MAP4: variants seen among roughly 807,000 people sequenced by gnomAD.
The protein encoded by MAP4 is microtubule-associated protein 4.
A neutral mutation model predicts 170.2 loss-of-function variants in MAP4; 76 were observed. That is an observed-to-expected ratio of 0.45 (90% confidence interval 0.37 to 0.54). The LOEUF (loss-of-function observed/expected upper bound fraction) is 0.54, where lower values mean the gene tolerates loss of function less well. Ranked by LOEUF, MAP4 falls within the 20% of genes least tolerant of loss-of-function variation. The pLI is 0.00. For synonymous variants in MAP4, 909 were observed against 994.5 expected, an observed-to-expected ratio of 0.91 and a Z score of 1.62; for missense variants, 2,506 against 2,748.0, an observed-to-expected ratio of 0.91 and a Z score of 1.97.
At chr3:47,976,200 T>C (rs928964240) in intron 3 of MAP4, among the ~76,000 whole-genome samples, 1 of 152,192 alleles carries the variant, frequency 6.6e-6, no homozygotes, top group Admixed American at 6.5e-5. Context: ...CGACCTACTC[T>C]CATAATGCCA....
At position 48,074,679 on chromosome 3, in the gene MAP4, TGTGTGTG is replaced by T. The variant is rs2100142873; in HGVS notation, c.-20+14087_-20+14093del. Among the ~76,000 whole-genome samples the T allele has an allele frequency of 1.1e-3, 141 of 125,430 alleles. 2 individuals carry two copies. The highest frequency in any genetic ancestry group is 3.2e-3 in the African/African-American group (113 of 35,228). 82.3% of individuals were successfully genotyped at this position (125,430 alleles called of 152,430 possible). On this transcript the variant is annotated intron_variant, in intron 1 of 18. Coordinates refer to the MAP4 transcript ENST00000360240. ...GCAAGCCACCACATCCAGCTAATTG[TGTGTGTG>T]TGTGTGTGTGTGTGTGTGTGTGTGT...
In MAP4 at chr3:47,903,398, T is replaced by C. The variant is rs2100031204; in HGVS notation, c.5384-398A>G. 2.0e-5 allele frequency among the ~76,000 whole-genome samples: 3 copies of C among 152,014 alleles called. No homozygotes were observed. The South Asian group carries it at 6.2e-4, about 32-fold the overall frequency. ...AATACAAAAAATTAGCCAGGCATAG[T>C]GGTGGGCGCCTGTAGTCCCAGCTAC... is the stretch of plus-strand genomic sequence containing the variant. On this transcript the variant is annotated intron_variant, in intron 9 of 20. Coordinates refer to ENST00000683076, the MANE Select transcript of MAP4 (RefSeq NM_001385682.1).
chr3:47,897,722 A>C (rs1200456997), intron 10 of MAP4, among the ~76,000 whole-genome samples: 2 of 151,936 alleles, frequency 1.3e-5, no homozygotes, highest in African/African-American at 4.8e-5. Context: ...GCGGATCACA[A>C]GGTCAGGAGT....
At chr3:48,040,932 C>G (rs952834049) in intron 1 of MAP4, among the ~76,000 whole-genome samples, 3 of 152,118 alleles carry the variant, frequency 2.0e-5, no homozygotes, top group African/African-American at 7.2e-5. Flanking sequence ...AACCCCTGAC[C>G]TCAGGTATCT....
chr3:47,933,111 T>A (rs1223147008), intron 3 of MAP4, among the ~76,000 whole-genome samples: 2 of 152,030 alleles, frequency 1.3e-5, no homozygotes, highest in Non-Finnish European at 2.9e-5. Flanking sequence ...AAAAGCATTA[T>A]GCTAAGTGAG....
intron 3 of MAP4, chr3:47,975,125 G>T: frequency 9.1e-7 from 1 of 1,094,772 alleles, no homozygotes; most frequent in Non-Finnish European, 1.1e-6. Context: ...ATGTGAGAAT[G>T]AATCAAATGA....
At chr3:47,856,849 C>T (rs2057388799) in intron 18 of MAP4, among the ~76,000 whole-genome samples, 1 of 152,202 alleles carries the variant, frequency 6.6e-6, no homozygotes, top group African/African-American at 2.4e-5. Context: ...TGCTGTAGAC[C>T]CAGGAACTAG....
At chr3:48,060,717 C>T (rs989685561) in intron 1 of MAP4, among the ~76,000 whole-genome samples, 2 of 151,114 alleles carry the variant, frequency 1.3e-5, no homozygotes, top group Non-Finnish European at 2.9e-5. Flanking sequence ...AGTTCAAGAC[C>T]AGCCTGGGCA....
rs1376787420 is a variant in MAP4, at chr3:47,850,731, A to C, written c.*2203T>G. The C allele has an allele frequency of 6.5e-6, 1 of 153,902 alleles. No homozygotes were observed. Among genetic ancestry groups the C allele is most frequent in the African/African-American group, 2.4e-5 (1 of 41,454 alleles). The allele number at this position is 153,902 out of a possible 1,614,324, so 9.5% of individuals were successfully genotyped here. On this transcript the variant is annotated 3_prime_UTR_variant, in exon 21 of 21. Coordinates refer to ENST00000683076, the MANE Select transcript of MAP4 (RefSeq NM_001385682.1). Reference sequence around the variant, plus strand: ...CAGGCAGCTTTATTTATTTACTCTTAAAACTGTTACAACAGAATCATGGAC... The same window carrying C: ...CAGGCAGCTTTATTTATTTACTCTTCAAACTGTTACAACAGAATCATGGAC...
intron 3 of MAP4, chr3:47,975,243 G>C (rs1004963189): frequency 8.4e-6 from 11 of 1,315,324 alleles, no homozygotes; most frequent in Non-Finnish European, 9.7e-6. Context: ...AGGGAAATGA[G>C]GCTCCATCAA....
In MAP4 at chr3:48,041,085, TA is replaced by T. The variant is rs532417207; in HGVS notation, c.-19-42207del. ...GAAAACAATTCTGCTTAAAATAGCA[TA>T]AAAAAATACTTAAAAGAAGTGAACA... On this transcript the variant is annotated intron_variant, in intron 1 of 18. Transcript: ENST00000360240. Among the ~76,000 whole-genome samples, 55 of 152,282 alleles carry T rather than the reference TA, an allele frequency of 3.6e-4. No individual in the cohort carries two copies. In the South Asian group the frequency reaches 0.01, roughly 28 times the overall value.
intron 19 of MAP4, among the ~76,000 whole-genome samples, chr3:47,853,824 G>A (rs1242834386): frequency 6.6e-6 from 1 of 152,190 alleles, no homozygotes; most frequent in East Asian, 1.9e-4. Flanking sequence ...GTCTGGTCAG[G>A]AACACAGGTG....
chr3:47,951,257 T>G (rs1200888318), intron 3 of MAP4, among the ~76,000 whole-genome samples: 1 of 152,216 alleles, frequency 6.6e-6, no homozygotes, highest in South Asian at 2.1e-4. Flanking sequence ...TTCATTTTTT[T>G]GTTGGTATGC....
chr3:47,877,188 T>C, intron 11 of MAP4: 1 of 422,270 alleles, frequency 2.4e-6, no homozygotes, highest in Non-Finnish European at 4.4e-6. Context: ...CTACAGAACA[T>C]TTTTTACAGA....
At chr3:48,055,171 A>G (rs2154552161) in intron 1 of MAP4, among the ~76,000 whole-genome samples, 1 of 148,662 alleles carries the variant, frequency 6.7e-6, no homozygotes, top group East Asian at 2.0e-4. Context: ...CAGTTTCTTT[A>G]AAAAGTCTCC....
chr3:47,871,012 C>G lies in MAP4; in HGVS notation c.6095G>C (p.Ser2032Thr), dbSNP rs2152068221. 1.9e-6 allele frequency: 3 copies of G among 1,614,100 alleles called. No homozygotes were observed. Among genetic ancestry groups the G allele is most frequent in the Non-Finnish European group, 2.5e-6 (3 of 1,179,968 alleles). Residue 2032 changes from serine (S) to threonine (T), a missense_variant, in exon 15 of 21, where the codon AGC becomes ACC. Ser to Thr is a moderately conservative substitution (Grantham distance 58). Transcript: ENST00000683076. Reference sequence around the variant, plus strand: ...GGGCATGGGTGTGGCCTTGACTCGGCTGGGAACCACCCCTGCAGCGGGGGC... The same window carrying G: ...GGGCATGGGTGTGGCCTTGACTCGGGTGGGAACCACCCCTGCAGCGGGGGC... ...GTAPAAGVVPSRVKATPMPSR... is the reference protein window; with the variant it reads ...GTAPAAGVVPTRVKATPMPSR...
At chr3:48,073,707 AAAATG>A (rs2100142211) in intron 1 of MAP4, among the ~76,000 whole-genome samples, 1 of 152,196 alleles carries the variant, frequency 6.6e-6, no homozygotes, top group African/African-American at 2.4e-5. Flanking sequence ...TCAACAACAC[AAAATG>A]AAATAAGAAA....
At chr3:48,020,895 C>T (rs2100110222), upstream of MAP4, among the ~76,000 whole-genome samples, 1 of 151,838 alleles carries the variant, frequency 6.6e-6, no homozygotes, top group South Asian at 2.1e-4. Context: ...AGCTCCTGGG[C>T]TCAAGCGATC....
intron 4 of MAP4, among the ~76,000 whole-genome samples, 163 bp downstream of exon 4, chr3:47,928,064 CA>C (rs1342830117): frequency 6.6e-6 from 1 of 152,104 alleles, no homozygotes; most frequent in Non-Finnish European, 1.5e-5. Flanking sequence ...TTAAGTGTCT[CA>C]AAGGAAAGGA....
Sources: gnomAD v4.1 joint callset for allele counts (sites outside exome capture counted in the v4.1 genomes callset) on GRCh38, gnomAD v4.1.1 for gene constraint, MANE v1.5 for transcripts, NCBI Gene and HGNC (gene_info 2026-07-23, HGNC 2026-07-21) for gene names.